SOCS7: variants seen among roughly 807,000 people sequenced by gnomAD.
SOCS7 encodes the protein NAP-4.
SOCS7 carries 18 observed loss-of-function variants against 58.9 expected under a neutral mutation model. That is an observed-to-expected ratio of 0.31 (90% CI 0.21 to 0.45). The LOEUF is 0.45. Among genes scored for constraint, SOCS7 ranks in the 20% least tolerant of loss-of-function variants. SOCS7 has a pLI of 1.00. For missense variants in SOCS7, 667 were observed against 837.3 expected, an observed-to-expected ratio of 0.80 and a Z score of 2.51; for synonymous variants, 388 against 364.3, an observed-to-expected ratio of 1.06 and a Z score of -0.74.
chr17:38,389,673 A>G (rs1294637805), intron 7 of SOCS7, among the ~76,000 whole-genome samples: 31 of 143,546 alleles, frequency 2.2e-4, no homozygotes, highest in Non-Finnish European at 3.5e-4. Context: ...AAGGATTTTG[A>G]TGAGTTCCTA....
At chr17:38,393,424 G>A (rs1481569344) in intron 7 of SOCS7, among the ~76,000 whole-genome samples, 2 of 151,862 alleles carry the variant, frequency 1.3e-5, no homozygotes, top group Non-Finnish European at 2.9e-5. Flanking sequence ...ATCACCTGAG[G>A]TCAGGAGTTC....
chr17:38,356,101 G>C (rs2037633782), intron 1 of SOCS7, among the ~76,000 whole-genome samples: 1 of 151,952 alleles, frequency 6.6e-6, no homozygotes, highest in South Asian at 2.1e-4. Context: ...ATGTTTGCCA[G>C]GTTGGTCCCG....
chr17:38,397,593 C>T (rs949112841), intron 9 of SOCS7, among the ~76,000 whole-genome samples: 1 of 152,236 alleles, frequency 6.6e-6, no homozygotes, highest in Non-Finnish European at 1.5e-5. Flanking sequence ...TTTACAAGAA[C>T]CTTTTTAACA....
chr17:38,379,155 C>T (rs776175436), intron 7 of SOCS7, among the ~76,000 whole-genome samples: 15 of 132,454 alleles, frequency 1.1e-4, no homozygotes, highest in African/African-American at 2.3e-4. Flanking sequence ...GAGACCCTGT[C>T]TCAAAAAAAA....
chr17:38,369,436 A>G (rs1229180463), intron 6 of SOCS7, among the ~76,000 whole-genome samples: 2 of 152,300 alleles, frequency 1.3e-5, no homozygotes, highest in South Asian at 2.1e-4. Flanking sequence ...TGACCTGGGA[A>G]TGAATTAGAT....
intron 6 of SOCS7, among the ~76,000 whole-genome samples, chr17:38,368,976 C>G (rs1375133941): frequency 6.6e-6 from 1 of 152,176 alleles, no homozygotes; most frequent in East Asian, 1.9e-4. Flanking sequence ...ACTTCATGTG[C>G]CAGTCATGCC....
At chr17:38,358,868 AT>A (rs1269631732) in intron 1 of SOCS7, among the ~76,000 whole-genome samples, 1 of 151,750 alleles carries the variant, frequency 6.6e-6, no homozygotes, top group Non-Finnish European at 1.5e-5. Flanking sequence ...CTTTTTCTAG[AT>A]CCTAGAAACT....
chr17:38,380,707 A>T (rs997577623), intron 7 of SOCS7, among the ~76,000 whole-genome samples: 1 of 151,738 alleles, frequency 6.6e-6, no homozygotes, highest in African/African-American at 2.4e-5. Flanking sequence ...AAAAATACAA[A>T]AATTAGCCAG....
Position 38,403,073 on chromosome 17 carries a change from GTCACCT to G in SOCS7, c.*3592_*3597del, listed in dbSNP as rs2038343402. On this transcript the variant is annotated 3_prime_UTR_variant, in exon 10 of 10. Transcript: ENST00000612932. ...GACCATTGGTGCTGACCTTTGCCTGGTCACCTGCCTGTGCCTAGGCCAAGTGAATGT... is the reference window on the plus strand; with the variant it reads ...GACCATTGGTGCTGACCTTTGCCTGGGCCTGTGCCTAGGCCAAGTGAATGT... 2.6e-5 allele frequency: 4 copies of G among 152,158 alleles called. No homozygotes were observed. Among genetic ancestry groups the G allele is most frequent in the Admixed American group, 1.3e-4 (2 of 15,278 alleles). The allele number at this position is 152,158 out of a possible 1,614,324, so 9.4% of individuals were successfully genotyped here. A position where few individuals can be genotyped will look rare whatever the true frequency, so the allele number is the denominator to read the frequency against.
intron 3 of SOCS7, 21 bp downstream of exon 3, chr17:38,364,877 C>T (rs1555568076): frequency 2.5e-6 from 4 of 1,578,192 alleles, no homozygotes; most frequent in Non-Finnish European, 3.5e-6. Flanking sequence ...TTCCCCTCTC[C>T]ACCTTCTTGC....
At chr17:38,394,876 C>T (rs1459150076) in intron 7 of SOCS7, among the ~76,000 whole-genome samples, 1 of 152,226 alleles carries the variant, frequency 6.6e-6, no homozygotes, top group Middle Eastern at 3.4e-3. Context: ...ATGGGGAAAC[C>T]CCGTCTCTAC....
intron 7 of SOCS7, among the ~76,000 whole-genome samples, chr17:38,382,566 A>G (rs916218584): frequency 2.6e-5 from 4 of 151,734 alleles, no homozygotes; most frequent in African/African-American, 2.4e-5. Context: ...GCTCACTGCA[A>G]CCTCCTCCGC....
rs587772505 is a variant in SOCS7, at chr17:38,365,080, C to T, written c.1150+224C>T. On this transcript the variant is annotated intron_variant, in intron 3 of 9. Coordinates refer to ENST00000612932, the MANE Select transcript of SOCS7 (RefSeq NM_014598.4). ...ATTAATTCAGTTTACATTTATCTTG[C>T]CTTGAACCCACTGCTATTGGGCTGC... Among the ~76,000 whole-genome samples the T allele has an allele frequency of 3.3e-5, 5 of 152,296 alleles. No homozygotes were observed. In the East Asian group the frequency reaches 9.6e-4, roughly 29 times the overall value.
At chr17:38,378,156 A>C in intron 7 of SOCS7, among the ~76,000 whole-genome samples, 1 of 152,182 alleles carries the variant, frequency 6.6e-6, no homozygotes, top group East Asian at 1.9e-4. Context: ...TTATAAGTGA[A>C]GCAGAAAGAT....
intron 2 of SOCS7, among the ~76,000 whole-genome samples, chr17:38,362,786 A>G (rs1037328868): frequency 6.6e-6 from 1 of 152,156 alleles, no homozygotes; most frequent in African/African-American, 2.4e-5. Context: ...ATGTCTTTCT[A>G]GTTAATAGTT....
At chr17:38,357,033 C>T (rs1296057480) in intron 1 of SOCS7, among the ~76,000 whole-genome samples, 2 of 152,104 alleles carry the variant, frequency 1.3e-5, no homozygotes, top group African/African-American at 4.8e-5. Context: ...TACTGGCTGT[C>T]TTCATGGTAG....
chr17:38,374,103 C>T (rs1381009543), intron 6 of SOCS7, among the ~76,000 whole-genome samples: 2 of 152,196 alleles, frequency 1.3e-5, no homozygotes, highest in Non-Finnish European at 2.9e-5. Context: ...GCCTGTGATC[C>T]CAGCTACTTG....
chr17:38,380,502 C>T (rs987743818), intron 7 of SOCS7, among the ~76,000 whole-genome samples: 4 of 151,702 alleles, frequency 2.6e-5, no homozygotes, highest in East Asian at 3.9e-4. Context: ...TGGTGGTGCA[C>T]GCCTGTAATC....
chr17:38,359,896 C>T (rs943580699), intron 1 of SOCS7, among the ~76,000 whole-genome samples: 2 of 151,778 alleles, frequency 1.3e-5, no homozygotes, highest in South Asian at 4.2e-4. Flanking sequence ...TCCCATCTCA[C>T]ACTCCTGAGT....
Sources: allele counts gnomAD v4.1 joint callset (sites outside exome capture counted in the v4.1 genomes callset), GRCh38; gene constraint gnomAD v4.1.1; transcripts MANE v1.5; gene names NCBI Gene and HGNC (gene_info 2026-07-23, HGNC 2026-07-21).